FOXP1: variants seen among roughly 807,000 people sequenced by gnomAD.
FOXP1 encodes the protein forkhead box P1.
A neutral mutation model predicts 98.2 loss-of-function variants in FOXP1; 15 were observed. The observed-to-expected ratio is 0.15, with a 90% CI of 0.10 to 0.24. The LOEUF is 0.24. Among genes scored for constraint, FOXP1 ranks in the 10% least tolerant of loss-of-function variants. The pLI is 1.00. For synonymous variants in FOXP1, 371 were observed against 314.5 expected (o/e 1.18, Z -1.90); for missense variants, 633 against 848.5 (o/e 0.75, Z 3.15).
At chr3:71,293,465 C>T (rs868613152) in intron 5 of FOXP1, among the ~76,000 whole-genome samples, 4 of 150,992 alleles carry the variant, frequency 2.6e-5, no homozygotes, top group African/African-American at 7.3e-5. Flanking sequence ...GCAACACAGC[C>T]AGACCCCATT....
chr3:71,487,705 G>T (rs555376105), intron 3 of FOXP1, among the ~76,000 whole-genome samples: 5 of 152,320 alleles, frequency 3.3e-5, no homozygotes, highest in Admixed American at 3.3e-4. Context: ...TTGATGTTTT[G>T]TGTAGGTATC....
At chr3:71,357,560 T>C (rs1057358442) in intron 4 of FOXP1, among the ~76,000 whole-genome samples, 3 of 152,236 alleles carry the variant, frequency 2.0e-5, no homozygotes, top group Admixed American at 2.0e-4. Context: ...AGAATTTACC[T>C]GGGACATCAA....
At chr3:71,579,556 G>A (rs1407743500) in intron 2 of FOXP1, among the ~76,000 whole-genome samples, 1 of 151,500 alleles carries the variant, frequency 6.6e-6, no homozygotes, top group Non-Finnish European at 1.5e-5. Flanking sequence ...GCTCTCTCTC[G>A]CCTTTTTAAA....
intron 4 of FOXP1, among the ~76,000 whole-genome samples, chr3:71,302,334 A>G (rs1195132454): frequency 6.6e-6 from 1 of 152,156 alleles, no homozygotes; most frequent in East Asian, 1.9e-4. Context: ...GAAACCAACA[A>G]CTAGCAGAAA....
At chr3:71,451,804 A>G (rs1395942277) in intron 3 of FOXP1, among the ~76,000 whole-genome samples, 1 of 152,214 alleles carries the variant, frequency 6.6e-6, no homozygotes, top group Non-Finnish European at 1.5e-5. Context: ...CCAAAAAGGA[A>G]AGCAAACTGG....
Position 71,396,937 on chromosome 3 carries a change from CATATATATATGTGTAT to C in FOXP1, c.-167-37709_-167-37694del, listed in dbSNP as rs1560423951. ...ATGTGTGTATATATATATATATACA[CATATATATATGTGTAT>C]ATATATATATGTGTGTATATATATA... On this transcript the variant is annotated intron_variant, in intron 3 of 20. Coordinates refer to ENST00000649528, the MANE Select transcript of FOXP1 (RefSeq NM_001349338.3). Among the ~76,000 whole-genome samples the C allele has an allele frequency of 4.0e-3, 323 of 80,434 alleles. 27 individuals are homozygous for C. The highest frequency in any genetic ancestry group is 0.016 in the African/African-American group (308 of 18,824). The allele number at this position is 80,434 out of a possible 152,430, so 52.8% of individuals were successfully genotyped here.
In FOXP1 at chr3:71,532,930, G is replaced by A. The variant is rs2043976547; in HGVS notation, c.-297-39375C>T. 1.3e-5 allele frequency among the ~76,000 whole-genome samples: 2 copies of A among 152,298 alleles called. 1 individual carries two copies. Among genetic ancestry groups the A allele is most frequent in the South Asian group, 4.1e-4 (2 of 4,828 alleles). Reference sequence around the variant, plus strand: ...ACTGAGGTATACACACTTCATCCTTGAAGGAAATAAACATGAGTCATATTC... The same window carrying A: ...ACTGAGGTATACACACTTCATCCTTAAAGGAAATAAACATGAGTCATATTC... On this transcript the variant is annotated intron_variant, in intron 2 of 20. Transcript: ENST00000649528.
chr3:70,998,204 T>C (rs150826057), intron 13 of FOXP1, among the ~76,000 whole-genome samples: 330 of 152,320 alleles, frequency 2.2e-3, no homozygotes, highest in African/African-American at 7.6e-3. Flanking sequence ...GCAGGCCATG[T>C]AGATTTCAGT....
chr3:70,988,796 A>G (rs1248094851), intron 13 of FOXP1, among the ~76,000 whole-genome samples: 1 of 152,238 alleles, frequency 6.6e-6, no homozygotes, highest in African/African-American at 2.4e-5. Context: ...CTTCGCTTGG[A>G]CTGCTTTAAC....
chr3:71,053,463 C>T (rs2050184852), intron 8 of FOXP1, among the ~76,000 whole-genome samples, 173 bp downstream of exon 8: 1 of 152,152 alleles, frequency 6.6e-6, no homozygotes, highest in African/African-American at 2.4e-5. Context: ...CTCTTTTGGG[C>T]ATGCAAAAGC....
At chr3:71,092,127 G>A (rs541677147) in intron 7 of FOXP1, among the ~76,000 whole-genome samples, 6 of 152,154 alleles carry the variant, frequency 3.9e-5, no homozygotes, top group African/African-American at 7.2e-5. Flanking sequence ...GGTGGAGGTT[G>A]TAGTGAGCTG....
At chr3:71,531,543 G>T (rs2043851861) in intron 2 of FOXP1, among the ~76,000 whole-genome samples, 1 of 152,044 alleles carries the variant, frequency 6.6e-6, no homozygotes, top group African/African-American at 2.4e-5. Context: ...AATAAGTGAG[G>T]AAACAAAGAA....
chr3:71,345,925 A>G (rs2077327634), intron 4 of FOXP1, among the ~76,000 whole-genome samples: 2 of 143,662 alleles, frequency 1.4e-5, no homozygotes. Context: ...AAGTAGGCCC[A>G]ATATGCAATG....
At chr3:71,516,531 T>C (rs2042593521) in intron 2 of FOXP1, among the ~76,000 whole-genome samples, 2 of 152,114 alleles carry the variant, frequency 1.3e-5, no homozygotes, top group African/African-American at 2.4e-5. Context: ...GAAAATGAAA[T>C]ATACTAACCA....
intron 2 of FOXP1, among the ~76,000 whole-genome samples, chr3:71,545,242 G>A (rs1411734260): frequency 6.6e-6 from 1 of 152,186 alleles, no homozygotes; most frequent in Non-Finnish European, 1.5e-5. Context: ...CCACTTTCTA[G>A]TTGAGTAAGT....
intron 5 of FOXP1, among the ~76,000 whole-genome samples, chr3:71,250,232 T>C (rs2068074304): frequency 6.6e-6 from 1 of 152,206 alleles, no homozygotes; most frequent in Non-Finnish European, 1.5e-5. Flanking sequence ...CTCCAGACGT[T>C]GCCAAATGTC....
intron 6 of FOXP1, among the ~76,000 whole-genome samples, chr3:71,158,281 T>TA (rs1256153270): frequency 2.0e-5 from 3 of 151,802 alleles, no homozygotes; most frequent in Non-Finnish European, 4.4e-5. Context: ...AGTCAGGTAG[T>TA]AGATCAATAA....
chr3:71,365,987 C>T (rs1206259071), intron 3 of FOXP1, among the ~76,000 whole-genome samples: 1 of 152,052 alleles, frequency 6.6e-6, no homozygotes, highest in African/African-American at 2.4e-5. Context: ...CAAAACAAAA[C>T]AAAACAAAAA....
intron 2 of FOXP1, chr3:71,580,713 G>A (rs770448456): frequency 1.1e-6 from 1 of 911,848 alleles, no homozygotes; most frequent in Non-Finnish European, 1.3e-6. Context: ...ATTTTGCAGC[G>A]ATTCTTCAAT....
Sources: gnomAD v4.1 joint callset for allele counts (sites outside exome capture counted in the v4.1 genomes callset) on GRCh38, gnomAD v4.1.1 for gene constraint, MANE v1.5 for transcripts, NCBI Gene and HGNC (gene_info 2026-07-23, HGNC 2026-07-21) for gene names.